The following PCDHGA10 variants were observed in gnomAD, a reference collection of about 807,000 sequenced individuals.
The protein encoded by PCDHGA10 is protocadherin gamma-A10.
PCDHGA10 carries 42 observed loss-of-function variants against 59.5 expected under a neutral mutation model. That is an observed-to-expected ratio of 0.71 (90% CI 0.55 to 0.91). The LOEUF (loss-of-function observed/expected upper bound fraction) is 0.91, where lower values mean the gene tolerates loss of function less well. Ranked by LOEUF, PCDHGA10 falls within the 40% of genes least tolerant of loss-of-function variation. The pLI is 0.00. For missense variants in PCDHGA10, 1,111 were observed against 1,198.2 expected (o/e 0.93, Z 1.07); for synonymous variants, 511 against 517.2 (o/e 0.99, Z 0.16).
intron 1 of PCDHGA10, chr5:141,441,126 C>T (rs1319809408): frequency 6.6e-6 from 1 of 152,062 alleles, no homozygotes; most frequent in Non-Finnish European, 1.5e-5. Context: ...CAGTTGAGAC[C>T]GAATTTCTAG....
chr5:141,452,654 T>C (rs2098746449), intron 1 of PCDHGA10, among the ~76,000 whole-genome samples: 1 of 151,162 alleles, frequency 6.6e-6, no homozygotes, highest in Non-Finnish European at 1.5e-5. Context: ...ATTTGCTCCA[T>C]CCACTGCACT....
chr5:141,458,633 A>C (rs548586597), intron 1 of PCDHGA10, among the ~76,000 whole-genome samples: 12 of 151,884 alleles, frequency 7.9e-5, no homozygotes, highest in Non-Finnish European at 1.5e-4. Flanking sequence ...GCAGTGGCAC[A>C]ATCCCAGCTC....
intron 1 of PCDHGA10, 186 bp downstream of exon 1, chr5:141,415,797 C>G (rs940812419): frequency 3.9e-5 from 52 of 1,331,434 alleles, no homozygotes; most frequent in Non-Finnish European, 4.8e-5. Context: ...TTCACCTAGT[C>G]TCAATCAAGG....
chr5:141,463,388 C>T (rs1470533734), intron 1 of PCDHGA10, among the ~76,000 whole-genome samples: 1 of 150,092 alleles, frequency 6.7e-6, no homozygotes, highest in Non-Finnish European at 1.5e-5. Flanking sequence ...AAAGTTGTCT[C>T]CAGGCAAAAA....
In PCDHGA10 at chr5:141,501,310, C is replaced by T. The variant is rs958976594; in HGVS notation, c.2496-4083C>T. ...CCTTATACACACACACACACACACA[C>T]ACACACACACACACACACACACACC... On this transcript the variant is annotated intron_variant, in intron 2 of 3. Transcript: ENST00000398610. Among the ~76,000 whole-genome samples, 4 of 151,684 alleles carry T rather than the reference C, an allele frequency of 2.6e-5. No individual in the cohort carries two copies. The South Asian group carries it at 8.3e-4, about 32-fold the overall frequency.
Position 141,475,971 on chromosome 5 carries a change from C to G in PCDHGA10, c.2437-18836C>G, listed in dbSNP as rs750016455. On this transcript the variant is annotated intron_variant, in intron 1 of 3. Coordinates refer to ENST00000398610, the MANE Select transcript of PCDHGA10 (RefSeq NM_018913.3). The stretch of plus-strand genomic sequence containing the variant: ...TCTGCGCCCCGGGATGAGGCAGAGA[C>G]TGAACAGCCGGCGAGCAAATCAACG... 2.5e-5 allele frequency: 24 copies of G among 954,292 alleles called. No individual in the cohort carries two copies. In the African/African-American group the frequency reaches 3.4e-4, roughly 14 times the overall value. 59.1% of individuals were successfully genotyped at this position (954,292 alleles called of 1,614,324 possible). A position where few individuals can be genotyped will look rare whatever the true frequency, so the allele number is the denominator to read the frequency against.
At chr5:141,418,124 C>G (rs762154093) in intron 1 of PCDHGA10, 1 of 1,613,836 alleles carries the variant, frequency 6.2e-7, no homozygotes, top group African/African-American at 1.3e-5. Context: ...TGTGAAGGAC[C>G]GAATAGACCG....
chr5:141,437,074 A>G (rs1455066447), intron 1 of PCDHGA10, among the ~76,000 whole-genome samples: 1 of 152,250 alleles, frequency 6.6e-6, no homozygotes, highest in Non-Finnish European at 1.5e-5. Flanking sequence ...GGTTTGGGCC[A>G]TATAAGAATT....
In PCDHGA10 at chr5:141,489,152, A is replaced by C; in HGVS notation, c.2437-5655A>C. The C allele has an allele frequency of 2.1e-6, 2 of 960,350 alleles. No individual in the cohort carries two copies. Among genetic ancestry groups the C allele is most frequent in the Non-Finnish European group, 3.1e-6 (2 of 640,552 alleles). 59.5% of individuals were successfully genotyped at this position (960,350 alleles called of 1,614,324 possible). A position where few individuals can be genotyped will look rare whatever the true frequency, so the allele number is the denominator to read the frequency against. On this transcript the variant is annotated intron_variant, in intron 1 of 3. Transcript: ENST00000398610. This position sits in a 1 kb window ranked among gnomAD's most constrained non-coding sequence, Gnocchi z 4.5. The stretch of plus-strand genomic sequence containing the variant: ...TTTTAAGAGGCTGGAAGGAGACATA[A>C]GAGACTTCAGCTGCTGCATTCCAAG...
Position 141,489,358 on chromosome 5 carries a change from G to C in PCDHGA10, c.2437-5449G>C. 1 of 1,613,144 alleles carries C rather than the reference G, an allele frequency of 6.2e-7. No homozygotes were observed. The highest frequency in any genetic ancestry group is 1.7e-4 in the Middle Eastern group (1 of 6,052). On this transcript the variant is annotated intron_variant, in intron 1 of 3. Coordinates refer to ENST00000398610, the MANE Select transcript of PCDHGA10 (RefSeq NM_018913.3). The surrounding 1 kb of genome is among the most constrained non-coding windows in gnomAD (Gnocchi z 4.5). ...TCGTTACTCAGTGGTGGAGGAGTCT[G>C]AGCCGGGGACGCTGGTGGGGAATGT...
At chr5:141,465,831 T>A (rs997004387) in intron 1 of PCDHGA10, among the ~76,000 whole-genome samples, 1 of 151,980 alleles carries the variant, frequency 6.6e-6, no homozygotes, top group African/African-American at 2.4e-5. Context: ...TTGTTTAAAA[T>A]TTCAACTGAG....
intron 1 of PCDHGA10, among the ~76,000 whole-genome samples, chr5:141,467,055 C>CTTTTTTTTTTTTTTTTTTT (rs1193465269): frequency 7.4e-6 from 1 of 134,498 alleles, no homozygotes; most frequent in Non-Finnish European, 1.6e-5. Context: ...TCAATGTTTT[C>CTTTTTTTTTTTTTTTTTTT]TTTTTTTTTT....
At position 141,485,305 on chromosome 5, in the gene PCDHGA10, T is replaced by C. The variant is rs1344645695; in HGVS notation, c.2437-9502T>C. The C allele has an allele frequency of 3.7e-6, 6 of 1,614,000 alleles. No individual in the cohort carries two copies. In the East Asian group the frequency reaches 1.3e-4, roughly 36 times the overall value. Reference sequence around the variant, plus strand: ...CAGAGGAGTCACAGGAAGGGACTTTTGTAGGGAATGTCGCTCAAGATTTCC... The same window carrying C: ...CAGAGGAGTCACAGGAAGGGACTTTCGTAGGGAATGTCGCTCAAGATTTCC... On this transcript the variant is annotated intron_variant, in intron 1 of 3. Coordinates refer to ENST00000398610, the MANE Select transcript of PCDHGA10 (RefSeq NM_018913.3). This position sits in a 1 kb window ranked among gnomAD's most constrained non-coding sequence, Gnocchi z 5.7.
Position 141,478,316 on chromosome 5 carries a change from C to T in PCDHGA10, c.2437-16491C>T, listed in dbSNP as rs776948755. ...CCTATACCGAGCCCCGGTGAGCTCA[C>T]TGTACCGAACACCAGGGCCCTCCTT... On this transcript the variant is annotated intron_variant, in intron 1 of 3. Coordinates refer to ENST00000398610, the MANE Select transcript of PCDHGA10 (RefSeq NM_018913.3). 120 of 1,613,924 alleles carry T rather than the reference C, an allele frequency of 7.4e-5. 2 individuals carry two copies. In the South Asian group the frequency reaches 1.3e-3, roughly 18 times the overall value.
rs1221067458 is a variant in PCDHGA10 at position 141,491,658 on chromosome 5, C to T, written c.2437-3149C>T. The T allele has an allele frequency of 3.1e-6, 5 of 1,613,822 alleles. No individual in the cohort carries two copies. The highest frequency in any genetic ancestry group is 2.2e-5 in the South Asian group (2 of 91,088). Reference sequence around the variant, plus strand: ...CCACAGCTCTGGCGCTGGAGCCTGACGCCATCCGGTCCCGCTCTAATACGC... The same window carrying T: ...CCACAGCTCTGGCGCTGGAGCCTGATGCCATCCGGTCCCGCTCTAATACGC... On this transcript the variant is annotated intron_variant, in intron 1 of 3. Coordinates refer to ENST00000398610, the MANE Select transcript of PCDHGA10 (RefSeq NM_018913.3). The surrounding 1 kb of genome is among the most constrained non-coding windows in gnomAD (Gnocchi z 6.9).
At chr5:141,470,961 C>T (rs1447105252) in intron 1 of PCDHGA10, among the ~76,000 whole-genome samples, 1 of 152,036 alleles carries the variant, frequency 6.6e-6, no homozygotes, top group Non-Finnish European at 1.5e-5. Context: ...AAGTGATCCT[C>T]CCACCTCAGC....
At chr5:141,434,683 T>A (rs1057301534) in intron 1 of PCDHGA10, among the ~76,000 whole-genome samples, 8 of 152,248 alleles carry the variant, frequency 5.3e-5, no homozygotes, top group Non-Finnish European at 5.9e-5. Flanking sequence ...AATGACTGGC[T>A]TGCTGTTAAT....
chr5:141,490,804 T>C lies in PCDHGA10; in HGVS notation c.2437-4003T>C. On this transcript the variant is annotated intron_variant, in intron 1 of 3. Coordinates refer to ENST00000398610, the MANE Select transcript of PCDHGA10 (RefSeq NM_018913.3). This position sits in a 1 kb window ranked among gnomAD's most constrained non-coding sequence, Gnocchi z 5.4. The stretch of plus-strand genomic sequence containing the variant: ...TGGACGGATCTTTGCCCAGCGTACC[T>C]TTGACTATGAATTGCTGCAGATGCT... 2 of 1,613,854 alleles carry C rather than the reference T, an allele frequency of 1.2e-6. No homozygotes were observed. Among genetic ancestry groups the C allele is most frequent in the Non-Finnish European group, 1.7e-6 (2 of 1,179,816 alleles).
At chr5:141,450,826 A>C (rs965147554) in intron 1 of PCDHGA10, among the ~76,000 whole-genome samples, 1 of 134,302 alleles carries the variant, frequency 7.4e-6, no homozygotes, top group African/African-American at 2.9e-5. Context: ...TATTATTATT[A>C]TTATTTTTTT....
Sources: gnomAD v4.1 joint callset for allele counts (sites outside exome capture counted in the v4.1 genomes callset) on GRCh38, gnomAD v4.1.1 for gene constraint, Gnocchi (gnomAD v3.1) non-coding constraint, MANE v1.5 for transcripts, NCBI Gene and HGNC (gene_info 2026-07-23, HGNC 2026-07-21) for gene names.